Variants in TTLL5 observed in about 807,000 individuals in gnomAD.
The protein encoded by TTLL5 is tubulin polyglutamylase TTLL5.
TTLL5 carries 132 observed loss-of-function variants against 168.4 expected under a neutral mutation model. The ratio of observed to expected loss-of-function variants is 0.78; its 90% CI spans 0.68 to 0.91. The LOEUF is 0.91. Among genes scored for constraint, TTLL5 ranks in the 40% least tolerant of loss-of-function variants. The pLI is 0.00. For missense variants in TTLL5, 1,545 were observed against 1,581.5 expected, an observed-to-expected ratio of 0.98 and a Z score of 0.39; for synonymous variants, 546 against 558.6, an observed-to-expected ratio of 0.98 and a Z score of 0.32.
intron 17 of TTLL5, 90 bp from the exon 18 acceptor site, chr14:75,752,803 G>C: frequency 1.6e-6 from 2 of 1,247,500 alleles, no homozygotes; most frequent in Non-Finnish European, 2.3e-6. Flanking sequence ...AAGTACCCCT[G>C]TTATTTCTGT....
At chr14:75,953,524 T>A (rs543826565) in intron 31 of TTLL5, among the ~76,000 whole-genome samples, 1 of 152,304 alleles carries the variant, frequency 6.6e-6, no homozygotes, top group Admixed American at 6.5e-5. Flanking sequence ...CCTGTTTTTT[T>A]AAAAGCAAAC....
chr14:75,733,054 C>T (rs1888644575), intron 13 of TTLL5, among the ~76,000 whole-genome samples: 1 of 152,222 alleles, frequency 6.6e-6, no homozygotes, highest in African/African-American at 2.4e-5. Flanking sequence ...TGCCAAAGAC[C>T]ACCCAGCTGC....
At chr14:75,952,559 C>T (rs747875680) in intron 31 of TTLL5, among the ~76,000 whole-genome samples, 2 of 152,200 alleles carry the variant, frequency 1.3e-5, no homozygotes, top group African/African-American at 2.4e-5. Context: ...AATATTTTTA[C>T]ATCATTGTTT....
Position 75,924,696 on chromosome 14 carries a change from C to T in TTLL5, c.3823+22472C>T, listed in dbSNP as rs568791847. ...CCATGACTACTTCCCTCTACACAGA[C>T]ACGGCAACCATCCGACCTCTCAATC... On this transcript the variant is annotated intron_variant, in intron 31 of 31. Coordinates refer to ENST00000298832, the MANE Select transcript of TTLL5 (RefSeq NM_015072.5). Among the ~76,000 whole-genome samples, 63 of 152,122 alleles carry T rather than the reference C, an allele frequency of 4.1e-4. 1 individual carries two copies. The highest frequency in any genetic ancestry group is 1.4e-3 in the African/African-American group (58 of 41,364).
chr14:75,792,519 G>A (rs1189834422), intron 26 of TTLL5, among the ~76,000 whole-genome samples: 1 of 151,892 alleles, frequency 6.6e-6, no homozygotes, highest in East Asian at 1.9e-4. Context: ...TGATTTGACA[G>A]TGGATGCCAC....
intron 15 of TTLL5, among the ~76,000 whole-genome samples, chr14:75,741,074 TTTGA>T (rs1038325281): frequency 8.5e-5 from 13 of 152,222 alleles, no homozygotes; most frequent in Admixed American, 2.0e-4. Context: ...TTCTTACTAC[TTTGA>T]TTGAGTGGAG....
At chr14:75,810,899 A>C (rs1024709780) in intron 27 of TTLL5, among the ~76,000 whole-genome samples, 5 of 152,252 alleles carry the variant, frequency 3.3e-5, no homozygotes, top group African/African-American at 1.2e-4. Context: ...AATCCTCTCT[A>C]AAATTATTCA....
chr14:75,747,858 C>T (rs146872812), intron 17 of TTLL5, among the ~76,000 whole-genome samples: 1 of 152,274 alleles, frequency 6.6e-6, no homozygotes, highest in East Asian at 1.9e-4. Flanking sequence ...CACCCTATAC[C>T]TAAGCAGATT....
intron 28 of TTLL5, among the ~76,000 whole-genome samples, chr14:75,826,296 TACACACACACACAC>T (rs57519882): frequency 3.6e-5 from 5 of 139,352 alleles, no homozygotes; most frequent in African/African-American, 1.4e-4. Context: ...AGGATACGCG[TACACACACACACAC>T]ACACACACAC....
At chr14:75,826,613 C>G (rs962838941) in intron 28 of TTLL5, among the ~76,000 whole-genome samples, 11 of 151,938 alleles carry the variant, frequency 7.2e-5, no homozygotes, top group Admixed American at 5.9e-4. Context: ...TTTTAAGAGG[C>G]CTGGTTATGA....
chr14:75,810,598 C>T (rs989032883), intron 27 of TTLL5, among the ~76,000 whole-genome samples: 9 of 152,266 alleles, frequency 5.9e-5, no homozygotes, highest in African/African-American at 1.2e-4. Flanking sequence ...AATTTTTGGC[C>T]TCAAGTGACC....
chr14:75,911,240 C>T lies in TTLL5; in HGVS notation c.3823+9016C>T, dbSNP rs375277790. Among the ~76,000 whole-genome samples the T allele has an allele frequency of 5.3e-5, 8 of 152,160 alleles. No homozygotes were observed. The South Asian group carries it at 8.3e-4, about 16-fold the overall frequency. On this transcript the variant is annotated intron_variant, in intron 31 of 31. Transcript: ENST00000298832. ...TAGAGACAGTGTTTCACCATGTTGG[C>T]CCGGCTGGCCTCGAACTCCTGACCT...
At position 75,745,168 on chromosome 14, in the gene TTLL5, G is replaced by A. The variant is rs1447147176; in HGVS notation, c.1355G>A (p.Gly452Glu). 1.9e-6 allele frequency: 3 copies of A among 1,613,974 alleles called. No individual in the cohort carries two copies. The highest frequency in any genetic ancestry group is 1.7e-4 in the Middle Eastern group (1 of 6,058). ...GGCTCAGCCCGGGAGAAAGGGCCAG[G>A]GAAGTTGGGTGGTTCTGTGCTTGGT... is the stretch of plus-strand genomic sequence containing the variant. ...LVGSAREKGP[G>E]KLGGSVLGLS... The change falls in exon 16 of 32, where the codon GGG becomes GAG. Residue 452 changes from glycine to glutamate, a missense_variant. Coordinates refer to ENST00000298832, the MANE Select transcript of TTLL5 (RefSeq NM_015072.5).
rs192972988 is a variant in TTLL5 at position 75,669,409 on chromosome 14, G to A, written c.75-7G>A. 40 of 1,609,570 alleles carry A rather than the reference G, an allele frequency of 2.5e-5. No individual in the cohort carries two copies. The highest frequency in any genetic ancestry group is 3.3e-4 in the Middle Eastern group (2 of 6,034). On this transcript the variant is annotated splice_region_variant and splice_polypyrimidine_tract_variant and intron_variant, in intron 2 of 31. Transcript: ENST00000298832. ...GTAAATTAATGAAGGCTTTTTTGTC[G>A]TTATAGGGATCATCCATGCATCATG...
rs114684392 is a variant in TTLL5, at chr14:75,936,742, T to G, written c.3824-17682T>G. Among the ~76,000 whole-genome samples the G allele has an allele frequency of 5.8e-3, 879 of 152,258 alleles. 9 individuals are homozygous for G. The highest frequency in any genetic ancestry group is 0.02 in the African/African-American group (820 of 41,538). On this transcript the variant is annotated intron_variant, in intron 31 of 31. Coordinates refer to ENST00000298832, the MANE Select transcript of TTLL5 (RefSeq NM_015072.5). ...AGGTTTTGGCCAGGCCTGGGATCAT[T>G]TTTGCATCAACTTTTGTGATCAAGA...
chr14:75,833,717 G>A lies in TTLL5; in HGVS notation c.3326+13556G>A, dbSNP rs139661811. On this transcript the variant is annotated intron_variant, in intron 28 of 31. Coordinates refer to ENST00000298832, the MANE Select transcript of TTLL5 (RefSeq NM_015072.5). The stretch of plus-strand genomic sequence containing the variant: ...TGGGAATCCATGTAAACATTTCTAT[G>A]TCATCTACCCTTACCCATACCCATA... 4.1e-3 allele frequency among the ~76,000 whole-genome samples: 619 copies of A among 152,254 alleles called. 4 individuals are homozygous for A. Among genetic ancestry groups the A allele is most frequent in the African/African-American group, 0.014 (600 of 41,544 alleles).
chr14:75,745,329 T>G (rs1350021949), intron 16 of TTLL5, 121 bp downstream of exon 16: 1 of 1,221,516 alleles, frequency 8.2e-7, no homozygotes, highest in Non-Finnish European at 1.2e-6. Flanking sequence ...AGATTCAAGA[T>G]TGGAGAAATG....
chr14:75,682,754 G>GTT (rs749559283), intron 4 of TTLL5, among the ~76,000 whole-genome samples: 5 of 142,400 alleles, frequency 3.5e-5, no homozygotes, highest in African/African-American at 5.1e-5. Context: ...TTTTGAGGAA[G>GTT]TTTTTTTTTT....
intron 31 of TTLL5, among the ~76,000 whole-genome samples, chr14:75,948,437 AC>A (rs768326140): frequency 8.6e-5 from 13 of 151,942 alleles, no homozygotes; most frequent in Non-Finnish European, 1.8e-4. Context: ...GTGAGCCAAG[AC>A]CGCGCCATTG....
Sources: allele counts gnomAD v4.1 joint callset (sites outside exome capture counted in the v4.1 genomes callset), GRCh38; gene constraint gnomAD v4.1.1; transcripts MANE v1.5; gene names NCBI Gene and HGNC (gene_info 2026-07-23, HGNC 2026-07-21).